Variants in AGBL4 observed in about 807,000 individuals in gnomAD.
AGBL4 encodes the protein AGBL carboxypeptidase 4, also known as cytosolic carboxypeptidase 6.
AGBL4 carries 58 observed loss-of-function variants against 66.4 expected under a neutral mutation model. The ratio of observed to expected loss-of-function variants is 0.87; its 90% CI spans 0.71 to 1.09. The LOEUF is 1.09. Among genes scored for constraint, AGBL4 ranks in the 50% least tolerant of loss-of-function variants. The probability of loss-of-function intolerance (pLI) is 0.00; values close to 1 mark genes in which losing one functional copy is unlikely to be tolerated. For synonymous variants in AGBL4, 234 were observed against 222.9 expected (o/e 1.05, Z -0.44); for missense variants, 579 against 631.0 (o/e 0.92, Z 0.88).
At chr1:49,863,063 C>CA (rs913515565) in intron 1 of AGBL4, among the ~76,000 whole-genome samples, 3 of 152,014 alleles carry the variant, frequency 2.0e-5, no homozygotes, top group Non-Finnish European at 4.4e-5. Flanking sequence ...CTACAGTAAG[C>CA]AAAACAGCAT....
intron 2 of AGBL4, among the ~76,000 whole-genome samples, chr1:49,771,741 A>G (rs1644064666): frequency 6.6e-6 from 1 of 151,880 alleles, no homozygotes; most frequent in South Asian, 2.1e-4. Context: ...ATCATAATAT[A>G]ATGACTTTTT....
chr1:48,530,012 C>A (rs1404520755), downstream of AGBL4, among the ~76,000 whole-genome samples: 1 of 151,790 alleles, frequency 6.6e-6, no homozygotes, highest in Non-Finnish European at 1.5e-5. Flanking sequence ...ACTTAACATG[C>A]TTCCTTCCCC....
intron 3 of AGBL4, among the ~76,000 whole-genome samples, chr1:49,433,772 G>C (rs17105659): frequency 0.027 from 4,183 of 152,184 alleles, 166 homozygotes; most frequent in African/African-American, 0.095. Context: ...TTGTCAAAAA[G>C]TGATAAAATA....
intron 2 of AGBL4, among the ~76,000 whole-genome samples, chr1:49,849,895 G>A (rs1410838258): frequency 2.0e-5 from 3 of 152,042 alleles, no homozygotes; most frequent in Non-Finnish European, 4.4e-5. Context: ...TTCCCACAGA[G>A]GTGTAATTAT....
intron 1 of AGBL4, among the ~76,000 whole-genome samples, chr1:49,896,059 A>G (rs1456874187): frequency 1.3e-5 from 2 of 152,114 alleles, no homozygotes; most frequent in East Asian, 3.8e-4. Flanking sequence ...ATGCAAATGG[A>G]AACAAAATAG....
At chr1:49,477,656 T>C (rs1444816794) in intron 3 of AGBL4, among the ~76,000 whole-genome samples, 1 of 151,966 alleles carries the variant, frequency 6.6e-6, no homozygotes, top group Middle Eastern at 3.2e-3. Flanking sequence ...TTTTCAGTGC[T>C]GAAGAAATCT....
intron 4 of AGBL4, among the ~76,000 whole-genome samples, chr1:49,095,360 C>A (rs998874523): frequency 1.2e-4 from 19 of 152,166 alleles, no homozygotes; most frequent in South Asian, 6.2e-4. Flanking sequence ...GAACCAAAAA[C>A]GAGCCCACAT....
chr1:49,051,664 C>CA (rs1443262945), intron 4 of AGBL4, among the ~76,000 whole-genome samples: 1 of 152,132 alleles, frequency 6.6e-6, no homozygotes, highest in East Asian at 1.9e-4. Context: ...CTGGCATAGC[C>CA]AGGGACCTTG....
intron 3 of AGBL4, among the ~76,000 whole-genome samples, chr1:49,511,311 C>A (rs551361904): frequency 1.3e-5 from 2 of 151,112 alleles, no homozygotes; most frequent in Admixed American, 6.6e-5. Flanking sequence ...TGTAGGGACA[C>A]GGATGAAATT....
intron 2 of AGBL4, among the ~76,000 whole-genome samples, chr1:49,785,944 A>G (rs908799527): frequency 2.0e-5 from 3 of 150,636 alleles, no homozygotes; most frequent in African/African-American, 7.3e-5. Flanking sequence ...CACCTACGTT[A>G]TGGGAAAAGG....
chr1:49,183,364 T>G (rs868718367), intron 4 of AGBL4, among the ~76,000 whole-genome samples: 1 of 152,178 alleles, frequency 6.6e-6, no homozygotes, highest in African/African-American at 2.4e-5. Context: ...GGCCTGGCCT[T>G]TCTCATTTCC....
At chr1:48,850,498 G>A (rs533728964) in intron 6 of AGBL4, among the ~76,000 whole-genome samples, 1 of 152,048 alleles carries the variant, frequency 6.6e-6, no homozygotes, top group South Asian at 2.1e-4. Flanking sequence ...GCAGTAAATG[G>A]CTCATTTGTC....
chr1:49,712,845 T>A (rs1647779226), intron 2 of AGBL4, among the ~76,000 whole-genome samples: 1 of 151,944 alleles, frequency 6.6e-6, no homozygotes, highest in African/African-American at 2.4e-5. Flanking sequence ...GTGCTTTAGT[T>A]TTTTCATCTT....
intron 3 of AGBL4, among the ~76,000 whole-genome samples, chr1:49,517,430 CT>C (rs1649919242): frequency 1.3e-5 from 2 of 151,810 alleles, no homozygotes; most frequent in Non-Finnish European, 2.9e-5. Context: ...ACCATAATGT[CT>C]TACTGTTTTT....
rs553133156 is a variant in AGBL4 at position 48,622,318 on chromosome 1, A to G, written c.951+12175T>C. Among the ~76,000 whole-genome samples the G allele has an allele frequency of 4.6e-5, 7 of 152,248 alleles. No homozygotes were observed. The East Asian group carries it at 7.7e-4, about 17-fold the overall frequency. ...AAAGCCTTGCTTGACCCCTAAGTCC[A>G]GTTCAGATGACCCTACTTTACCCAC... On this transcript the variant is annotated intron_variant, in intron 9 of 13. Coordinates refer to ENST00000371839, the MANE Select transcript of AGBL4 (RefSeq NM_032785.4).
rs949684822 is a variant in AGBL4, at chr1:49,314,033, T to C, written c.283-68169A>G. ...GTTTAACTCCTTAATCCATCTTGAG[T>C]TAATTTTTGTATAAGTTGTAAGGAA... On this transcript the variant is annotated intron_variant, in intron 3 of 13. Transcript: ENST00000371839. Among the ~76,000 whole-genome samples, 6 of 152,286 alleles carry C rather than the reference T, an allele frequency of 3.9e-5. No individual in the cohort carries two copies. In the East Asian group the frequency reaches 1.2e-3, roughly 29 times the overall value.
At chr1:49,732,135 A>C (rs1192168438) in intron 2 of AGBL4, among the ~76,000 whole-genome samples, 1 of 152,190 alleles carries the variant, frequency 6.6e-6, no homozygotes, top group Non-Finnish European at 1.5e-5. Context: ...ACTGGCTAGC[A>C]AGAAAGGGTA....
At chr1:48,863,464 A>G (rs1469254977) in intron 6 of AGBL4, among the ~76,000 whole-genome samples, 1 of 152,142 alleles carries the variant, frequency 6.6e-6, no homozygotes, top group Non-Finnish European at 1.5e-5. Context: ...AAGGATTATT[A>G]TACTGTATTT....
intron 3 of AGBL4, among the ~76,000 whole-genome samples, chr1:49,425,492 G>A (rs1226270627): frequency 6.6e-6 from 1 of 152,054 alleles, no homozygotes; most frequent in Non-Finnish European, 1.5e-5. Context: ...AGATTTGTAA[G>A]CTTTAAAAAA....
Sources: gnomAD v4.1 joint callset for allele counts (sites outside exome capture counted in the v4.1 genomes callset) on GRCh38, gnomAD v4.1.1 for gene constraint, MANE v1.5 for transcripts, NCBI Gene and HGNC (gene_info 2026-07-23, HGNC 2026-07-21) for gene names.